CFAP299: variants seen among roughly 807,000 people sequenced by gnomAD.
The protein encoded by CFAP299 is cilia and flagella associated protein 299.
In CFAP299, 21 loss-of-function variants were observed where a neutral mutation model predicts 27.0. That is an observed-to-expected ratio of 0.78 (90% CI 0.55 to 1.12). The LOEUF (loss-of-function observed/expected upper bound fraction) is 1.12. Among genes scored for constraint, CFAP299 ranks in the 50% most tolerant of loss-of-function variants. The pLI, the probability that CFAP299 is intolerant of heterozygous loss-of-function variation, is 0.00. For missense variants in CFAP299, 310 were observed against 276.6 expected (o/e 1.12, Z -0.86); for synonymous variants, 104 against 98.1 (o/e 1.06, Z -0.36).
intron 3 of CFAP299, among the ~76,000 whole-genome samples, chr4:80,762,066 G>A (rs1157942682): frequency 2.0e-5 from 3 of 151,650 alleles, no homozygotes; most frequent in Admixed American, 2.0e-4. Flanking sequence ...AAATCAACAG[G>A]TAATGGATTC....
chr4:80,408,417 C>G (rs992180379), intron 2 of CFAP299, among the ~76,000 whole-genome samples: 1 of 152,046 alleles, frequency 6.6e-6, no homozygotes, highest in Non-Finnish European at 1.5e-5. Context: ...GATTATTGGT[C>G]ATTTGTGTTT....
chr4:80,657,745 G>GT (rs1271706613), intron 3 of CFAP299, among the ~76,000 whole-genome samples: 1 of 152,040 alleles, frequency 6.6e-6, no homozygotes, highest in Non-Finnish European at 1.5e-5. Context: ...ATTTATAGTA[G>GT]TTTTTTCTAA....
chr4:80,470,955 A>T (rs1057266982), intron 2 of CFAP299, among the ~76,000 whole-genome samples: 1 of 152,228 alleles, frequency 6.6e-6, no homozygotes, highest in African/African-American at 2.4e-5. Context: ...AATTATAAAG[A>T]GATAAGGACA....
At position 80,677,204 on chromosome 4, in the gene CFAP299, C is replaced by G. The variant is rs75603195; in HGVS notation, c.333+94021C>G. Among the ~76,000 whole-genome samples, 52 of 151,918 alleles carry G rather than the reference C, an allele frequency of 3.4e-4. 1 individual carries two copies. The highest frequency in any genetic ancestry group is 6.8e-3 in the Middle Eastern group (2 of 294). ...TTTTCTTCTTTATTTCTTCATTCAC[C>G]CGTTGGTCATTGAAGAGCATGTTGT... On this transcript the variant is annotated intron_variant, in intron 3 of 5. Coordinates refer to ENST00000358105, the MANE Select transcript of CFAP299 (RefSeq NM_152770.3).
intron 2 of CFAP299, among the ~76,000 whole-genome samples, chr4:80,471,575 G>A (rs1427109477): frequency 4.3e-4 from 54 of 124,398 alleles, no homozygotes; most frequent in Non-Finnish European, 1.7e-5. Context: ...GCAGGGCGGG[G>A]GTGGGGGTGG....
intron 2 of CFAP299, among the ~76,000 whole-genome samples, chr4:80,381,996 A>C (rs183866416): frequency 1.8e-4 from 28 of 152,344 alleles, no homozygotes; most frequent in Middle Eastern, 3.4e-3. Context: ...TGACAAAAAG[A>C]TTTTAAAAGA....
In CFAP299 at chr4:80,845,067, A is replaced by T. The variant is rs375805125; in HGVS notation, c.334-24926A>T. 7.2e-5 allele frequency among the ~76,000 whole-genome samples: 11 copies of T among 152,184 alleles called. No individual in the cohort carries two copies. The East Asian group carries it at 7.7e-4, about 11-fold the overall frequency. On this transcript the variant is annotated intron_variant, in intron 3 of 5. Coordinates refer to ENST00000358105, the MANE Select transcript of CFAP299 (RefSeq NM_152770.3). Reference sequence around the variant, plus strand: ...TTTGTCAAAGATCAGATAGTTGTAGATATGTGGCATTATTTCTGAGAGCTC... The same window carrying T: ...TTTGTCAAAGATCAGATAGTTGTAGTTATGTGGCATTATTTCTGAGAGCTC...
At chr4:80,574,850 A>G (rs939557273) in intron 2 of CFAP299, among the ~76,000 whole-genome samples, 1 of 152,054 alleles carries the variant, frequency 6.6e-6, no homozygotes, top group Non-Finnish European at 1.5e-5. Flanking sequence ...ATGTTGTTGA[A>G]TTCAGTTTGC....
chr4:80,341,281 G>A (rs1722436982), intron 1 of CFAP299, among the ~76,000 whole-genome samples: 1 of 152,218 alleles, frequency 6.6e-6, no homozygotes, highest in African/African-American at 2.4e-5. Context: ...GGAGAGTCCA[G>A]GCAGTGTGGA....
At chr4:80,376,861 G>A (rs896760364) in intron 2 of CFAP299, among the ~76,000 whole-genome samples, 1 of 152,080 alleles carries the variant, frequency 6.6e-6, no homozygotes, top group Non-Finnish European at 1.5e-5. Context: ...AACCACATTG[G>A]CTAGGCTGGT....
At position 80,853,777 on chromosome 4, in the gene CFAP299, G is replaced by A. The variant is rs574172434; in HGVS notation, c.334-16216G>A. Among the ~76,000 whole-genome samples the A allele has an allele frequency of 3.9e-5, 6 of 152,272 alleles. No homozygotes were observed. In the East Asian group the frequency reaches 1.2e-3, roughly 29 times the overall value. ...AGTAGGCATCAAGAAGAACCCCGAG[G>A]TTTTTGGCCTGAGCAATTAGGTAAA... On this transcript the variant is annotated intron_variant, in intron 3 of 5. Coordinates refer to ENST00000358105, the MANE Select transcript of CFAP299 (RefSeq NM_152770.3).
At chr4:80,562,021 G>T (rs1055647122) in intron 2 of CFAP299, among the ~76,000 whole-genome samples, 1 of 152,082 alleles carries the variant, frequency 6.6e-6, no homozygotes, top group Non-Finnish European at 1.5e-5. Context: ...TGAGGTTAAA[G>T]TGTAGAGTTT....
At chr4:80,724,213 G>A (rs1357978645) in intron 3 of CFAP299, among the ~76,000 whole-genome samples, 1 of 151,858 alleles carries the variant, frequency 6.6e-6, no homozygotes, top group Non-Finnish European at 1.5e-5. Flanking sequence ...TTTGGGGTGG[G>A]GGAAATAATG....
At chr4:80,853,371 G>A (rs1731638964) in intron 3 of CFAP299, among the ~76,000 whole-genome samples, 1 of 152,174 alleles carries the variant, frequency 6.6e-6, no homozygotes, top group African/African-American at 2.4e-5. Context: ...AAAGAAATAA[G>A]TACCAAGATA....
At chr4:80,864,252 T>C (rs1732554529) in intron 3 of CFAP299, among the ~76,000 whole-genome samples, 2 of 151,602 alleles carry the variant, frequency 1.3e-5, no homozygotes, top group African/African-American at 2.4e-5. Flanking sequence ...CTTAAGTCTA[T>C]AGGGCTCTGA....
intron 3 of CFAP299, among the ~76,000 whole-genome samples, chr4:80,801,630 CG>C (rs1224651304): frequency 1.3e-5 from 2 of 151,966 alleles, no homozygotes; most frequent in African/African-American, 4.8e-5. Flanking sequence ...GAAGAAATCA[CG>C]ACAGGTGAGT....
intron 3 of CFAP299, among the ~76,000 whole-genome samples, chr4:80,859,657 C>T (rs189666392): frequency 1.8e-3 from 274 of 152,082 alleles, no homozygotes; most frequent in African/African-American, 5.9e-3. Flanking sequence ...TTTATTTCTC[C>T]TTCACTTATG....
chr4:80,522,315 T>C (rs1168149903), intron 2 of CFAP299, among the ~76,000 whole-genome samples: 3 of 152,066 alleles, frequency 2.0e-5, no homozygotes, highest in Admixed American at 1.3e-4. Flanking sequence ...TAGAGAAATG[T>C]TTCTTTACCC....
At chr4:80,789,795 G>A (rs115417852) in intron 3 of CFAP299, among the ~76,000 whole-genome samples, 163 of 152,044 alleles carry the variant, frequency 1.1e-3, no homozygotes, top group African/African-American at 3.7e-3. Flanking sequence ...TTCTCATCAA[G>A]CATAAACATT....
Sources: allele counts gnomAD v4.1 joint callset (sites outside exome capture counted in the v4.1 genomes callset), GRCh38; gene constraint gnomAD v4.1.1; transcripts MANE v1.5; gene names NCBI Gene and HGNC (gene_info 2026-07-23, HGNC 2026-07-21).